Variants in MROH1 observed in about 807,000 individuals in gnomAD.
MROH1 encodes the protein maestro heat like repeat family member 1.
In MROH1, 117 loss-of-function variants were observed where a neutral mutation model predicts 116.5. That is an observed-to-expected ratio of 1.00 (90% CI 0.86 to 1.17). MROH1 has a LOEUF of 1.17. Among genes scored for constraint, MROH1 ranks in the 50% most tolerant of loss-of-function variants. The pLI, the probability that MROH1 is intolerant of heterozygous loss-of-function variation, is 0.00. For synonymous variants in MROH1, 921 were observed against 583.9 expected (o/e 1.58, Z -8.32); for missense variants, 1,873 against 1,338.5 (o/e 1.40, Z -6.23).
chr8:144,255,471 T>G (rs1843570770), intron 34 of MROH1, 38 bp from the exon 35 acceptor site: 23 of 774,170 alleles, frequency 3.0e-5, no homozygotes. Context: ...TCCTGCGGCC[T>G]GGAGGGAGGC....
At chr8:144,174,144 G>A (rs374016669) in intron 4 of MROH1, among the ~76,000 whole-genome samples, 111 of 152,274 alleles carry the variant, frequency 7.3e-4, no homozygotes, top group African/African-American at 2.4e-3. Context: ...AAAGGTGGGC[G>A]TGATGGTATA....
intron 1 of MROH1, among the ~76,000 whole-genome samples, chr8:144,157,712 T>C (rs7844195): frequency 0.1 from 15,052 of 147,118 alleles, 2,734 homozygotes; most frequent in African/African-American, 0.37. Context: ...AGGGGTTGCT[T>C]TGTCACCCAG....
chr8:144,162,023 C>T (rs1289718169), intron 2 of MROH1, among the ~76,000 whole-genome samples: 1 of 152,058 alleles, frequency 6.6e-6, no homozygotes, highest in Non-Finnish European at 1.5e-5. Context: ...CTGCCCTCTT[C>T]AGCTCTTAAC....
chr8:144,238,678 C>T, intron 14 of MROH1, 78 bp from the exon 15 acceptor site: 1 of 736,024 alleles, frequency 1.4e-6, no homozygotes, highest in South Asian at 1.4e-5. Flanking sequence ...AGGGTCTGCC[C>T]CGCTTCCGGG....
intron 1 of MROH1, among the ~76,000 whole-genome samples, chr8:144,155,099 A>T (rs1817718698): frequency 1.3e-5 from 2 of 151,952 alleles, no homozygotes; most frequent in African/African-American, 4.8e-5. Flanking sequence ...TACAGGCATG[A>T]GCCACCACGC....
intron 14 of MROH1, among the ~76,000 whole-genome samples, chr8:144,236,983 G>A (rs1172607244): frequency 3.1e-5 from 4 of 127,862 alleles, no homozygotes; most frequent in African/African-American, 1.2e-4. Flanking sequence ...TCGACTCACT[G>A]CAAGCTCCGC....
At chr8:144,183,748 G>A (rs1232974288) in intron 7 of MROH1, among the ~76,000 whole-genome samples, 2 of 151,960 alleles carry the variant, frequency 1.3e-5, no homozygotes, top group East Asian at 3.9e-4. Flanking sequence ...CCAGGTTCAC[G>A]CCATTCGCCT....
chr8:144,225,528 G>C (rs1423204646), intron 14 of MROH1, among the ~76,000 whole-genome samples: 1 of 151,676 alleles, frequency 6.6e-6, no homozygotes, highest in Admixed American at 6.6e-5. Flanking sequence ...CTGTCTTTCA[G>C]AGAGCAGAAG....
intron 1 of MROH1, among the ~76,000 whole-genome samples, chr8:144,159,377 GAGAA>G (rs1042391115): frequency 3.0e-4 from 45 of 152,282 alleles, no homozygotes; most frequent in African/African-American, 1.1e-3. Flanking sequence ...AGGAGAGAGA[GAGAA>G]ATGTTGAAAT....
chr8:144,223,264 C>G lies in MROH1; in HGVS notation c.1338+34C>G, dbSNP rs369493102. The G allele has an allele frequency of 4.9e-5, 76 of 1,565,716 alleles. No individual in the cohort carries two copies. The African/African-American group carries it at 6.1e-4, about 13-fold the overall frequency. Reference sequence around the variant, plus strand: ...CTGCCACCTTGCCTGCCTCCTAGGCCCACGCTGCCCCTGGCCTGTGTTAGG... The same window carrying G: ...CTGCCACCTTGCCTGCCTCCTAGGCGCACGCTGCCCCTGGCCTGTGTTAGG... On this transcript the variant is annotated intron_variant, in intron 14 of 43. Coordinates refer to ENST00000326134, the MANE Select transcript of MROH1 (RefSeq NM_032450.3).
chr8:144,228,285 TTA>T (rs1351654275), intron 14 of MROH1, among the ~76,000 whole-genome samples: 5 of 152,286 alleles, frequency 3.3e-5, no homozygotes, highest in Admixed American at 3.3e-4. Flanking sequence ...TGCAATAGCA[TTA>T]TGTCTAAAAA....
chr8:144,190,747 A>G lies in MROH1; in HGVS notation c.563-37A>G, dbSNP rs748472275. 7.9e-5 allele frequency: 126 copies of G among 1,603,498 alleles called. No individual in the cohort carries two copies. The East Asian group carries it at 2.6e-3, about 33-fold the overall frequency. On this transcript the variant is annotated intron_variant, in intron 7 of 43. Transcript: ENST00000326134. ...AGGTGCTGAGGATCGTCACAAACCCATGGCCTGCAGCCACTTACCACTGGC... is the reference window on the plus strand; with the variant it reads ...AGGTGCTGAGGATCGTCACAAACCCGTGGCCTGCAGCCACTTACCACTGGC...
intron 12 of MROH1, among the ~76,000 whole-genome samples, chr8:144,206,296 G>A (rs973840700): frequency 1.3e-5 from 2 of 152,184 alleles, no homozygotes; most frequent in African/African-American, 4.8e-5. Flanking sequence ...CTTCGTGAGC[G>A]TAGGCATTCA....
In MROH1 at chr8:144,180,786, G is replaced by C. The variant is rs1032323777; in HGVS notation, c.562+263G>C. 1.3e-5 allele frequency among the ~76,000 whole-genome samples: 2 copies of C among 152,126 alleles called. No individual in the cohort carries two copies. The highest frequency in any genetic ancestry group is 2.4e-5 in the African/African-American group (1 of 41,424). On this transcript the variant is annotated intron_variant, in intron 7 of 43. Transcript: ENST00000326134. The surrounding 1 kb of genome is among the most constrained non-coding windows in gnomAD (Gnocchi z 7.4). ...TCCACTGAGGGCTGGACGTGCCTGGGGGGTAGGAAGAGACTTCCTCGAAGC... is the reference window on the plus strand; with the variant it reads ...TCCACTGAGGGCTGGACGTGCCTGGCGGGTAGGAAGAGACTTCCTCGAAGC...
chr8:144,222,958 A>G (rs923101542), intron 13 of MROH1, 150 bp from the exon 14 acceptor site: 4 of 1,101,964 alleles, frequency 3.6e-6, no homozygotes, highest in Non-Finnish European at 3.9e-6. Flanking sequence ...AGGCCCAGGT[A>G]TGGGTGCAGG....
chr8:144,183,678 G>A (rs370270651), intron 7 of MROH1, among the ~76,000 whole-genome samples: 54 of 150,962 alleles, frequency 3.6e-4, no homozygotes, highest in African/African-American at 1.3e-3. Context: ...ATGGAGTCTC[G>A]CTCTGTTGCC....
At chr8:144,174,577 G>T (rs1017340303) in intron 4 of MROH1, among the ~76,000 whole-genome samples, 3 of 149,754 alleles carry the variant, frequency 2.0e-5, no homozygotes, top group Non-Finnish European at 2.9e-5. Flanking sequence ...TTGATCTCCC[G>T]TACACAAGTG....
intron 10 of MROH1, among the ~76,000 whole-genome samples, chr8:144,197,802 G>C (rs1467551053): frequency 3.4e-5 from 5 of 148,078 alleles, no homozygotes; most frequent in African/African-American, 4.9e-5. Flanking sequence ...CACCGGGGGC[G>C]GTGACTCACG....
chr8:144,230,807 T>C lies in MROH1; in HGVS notation c.1338+7577T>C, dbSNP rs970134011. Among the ~76,000 whole-genome samples the C allele has an allele frequency of 8.8e-3, 1,262 of 143,608 alleles. 13 individuals are homozygous for C. Among genetic ancestry groups the C allele is most frequent in the African/African-American group, 0.03 (1,105 of 36,866 alleles). The allele number at this position is 143,608 out of a possible 152,430, so 94.2% of individuals were successfully genotyped here. ...TTTCTTCACTAAAAGGTTTTCTTTT[T>C]TTTTTTTTTTTTTTTTTTTAATTGA... On this transcript the variant is annotated intron_variant, in intron 14 of 43. Coordinates refer to ENST00000326134, the MANE Select transcript of MROH1 (RefSeq NM_032450.3).
Sources: gnomAD v4.1 joint callset for allele counts (sites outside exome capture counted in the v4.1 genomes callset) on GRCh38, gnomAD v4.1.1 for gene constraint, Gnocchi (gnomAD v3.1) non-coding constraint, MANE v1.5 for transcripts, NCBI Gene and HGNC (gene_info 2026-07-23, HGNC 2026-07-21) for gene names.